Variants in ADAMTS2 observed in about 807,000 individuals in gnomAD.
ADAMTS2 encodes the protein ADAM metallopeptidase with thrombospondin type 1 motif 2, also known as A disintegrin and metalloproteinase with thrombospondin motifs 2.
ADAMTS2 carries 50 observed loss-of-function variants against 123.0 expected under a neutral mutation model. That is an observed-to-expected ratio of 0.41 (90% CI 0.32 to 0.51). The LOEUF (loss-of-function observed/expected upper bound fraction) is 0.51. Among genes scored for constraint, ADAMTS2 ranks in the 20% least tolerant of loss-of-function variants. ADAMTS2 has a pLI of 0.35. For synonymous variants in ADAMTS2, 678 were observed against 695.4 expected, an observed-to-expected ratio of 0.98 and a Z score of 0.39; for missense variants, 1,494 against 1,705.2, an observed-to-expected ratio of 0.88 and a Z score of 2.18.
At position 179,234,229 on chromosome 5, in the gene ADAMTS2, A is replaced by G. The variant is rs969397003; in HGVS notation, c.689-26514T>C. 1.3e-5 allele frequency among the ~76,000 whole-genome samples: 2 copies of G among 152,058 alleles called. No individual in the cohort carries two copies. Among genetic ancestry groups the G allele is most frequent in the African/African-American group, 4.8e-5 (2 of 41,390 alleles). ...AGATATCACCAGCCCTCGAGGCTTA[A>G]CCCCTGCTCTGTGGGGGATTCCTGC... On this transcript the variant is annotated intron_variant, in intron 3 of 21. Transcript: ENST00000251582. The surrounding 1 kb of genome is among the most constrained non-coding windows in gnomAD (Gnocchi z 4.7).
In ADAMTS2 at chr5:179,329,070, G is replaced by A. The variant is rs1193122933; in HGVS notation, c.534+14697C>T. On this transcript the variant is annotated intron_variant, in intron 2 of 21. Coordinates refer to ENST00000251582, the MANE Select transcript of ADAMTS2 (RefSeq NM_014244.5). ...AGGCCAGGCACAGTGGCTCATGCCT[G>A]CAATCCCAGCACTTTGGGAGGCCAA... Among the ~76,000 whole-genome samples, 5 of 152,210 alleles carry A rather than the reference G, an allele frequency of 3.3e-5. No homozygotes were observed. The East Asian group carries it at 9.6e-4, about 29-fold the overall frequency.
chr5:179,268,668 G>A (rs750458484), intron 3 of ADAMTS2, among the ~76,000 whole-genome samples: 12 of 152,196 alleles, frequency 7.9e-5, no homozygotes, highest in Non-Finnish European at 1.5e-4. Flanking sequence ...GGCTGAGACT[G>A]GCACTTAGAC....
chr5:179,167,373 C>G (rs1561786901), intron 5 of ADAMTS2, among the ~76,000 whole-genome samples: 3 of 152,136 alleles, frequency 2.0e-5, no homozygotes, highest in Admixed American at 1.3e-4. Context: ...GGGGCCCCAG[C>G]GGCCCCAAGA....
intron 4 of ADAMTS2, among the ~76,000 whole-genome samples, chr5:179,205,588 AT>A (rs1764662289): frequency 6.6e-6 from 1 of 152,168 alleles, no homozygotes; most frequent in Admixed American, 6.5e-5. Flanking sequence ...AGGCGACATA[AT>A]GCTAGGGGAA....
rs191889505 is a variant in ADAMTS2 at position 179,307,243 on chromosome 5, G to A, written c.535-34179C>T. ...CTCCGCCATCTGCCCCAGCAGTGCTGTGAGAGCATCGCACCCTGCAAGCCT... is the reference window on the plus strand; with the variant it reads ...CTCCGCCATCTGCCCCAGCAGTGCTATGAGAGCATCGCACCCTGCAAGCCT... On this transcript the variant is annotated intron_variant, in intron 2 of 21. Coordinates refer to ENST00000251582, the MANE Select transcript of ADAMTS2 (RefSeq NM_014244.5). The surrounding 1 kb of genome is among the most constrained non-coding windows in gnomAD (Gnocchi z 5.6). Among the ~76,000 whole-genome samples, 21 of 152,292 alleles carry A rather than the reference G, an allele frequency of 1.4e-4. No individual in the cohort carries two copies. In the East Asian group the frequency reaches 4.1e-3, roughly 30 times the overall value.
At chr5:179,179,416 T>C (rs1200448351) in intron 5 of ADAMTS2, among the ~76,000 whole-genome samples, 2 of 152,212 alleles carry the variant, frequency 1.3e-5, no homozygotes, top group African/African-American at 4.8e-5. Context: ...AAAACACTTC[T>C]GTAATTTTTA....
intron 9 of ADAMTS2, 119 bp from the exon 10 acceptor site, chr5:179,152,374 C>A (rs1763378113): frequency 1.1e-6 from 1 of 945,886 alleles, no homozygotes; most frequent in East Asian, 2.6e-5. Flanking sequence ...CATGATGGGC[C>A]CGTGAGGCTG....
Position 179,181,529 on chromosome 5 carries a change from G to A in ADAMTS2, c.892-374C>T, listed in dbSNP as rs540115777. On this transcript the variant is annotated intron_variant, in intron 4 of 21. Coordinates refer to ENST00000251582, the MANE Select transcript of ADAMTS2 (RefSeq NM_014244.5). The surrounding 1 kb of genome is among the most constrained non-coding windows in gnomAD (Gnocchi z 4.1). ...GTGGGTGATGGACCCCCGCGGCACA[G>A]GCAGGGCTGGGACCGGCCCTGGCAG... 5.1e-4 allele frequency among the ~76,000 whole-genome samples: 78 copies of A among 152,300 alleles called. No homozygotes were observed. Among genetic ancestry groups the A allele is most frequent in the Non-Finnish European group, 7.8e-4 (53 of 68,018 alleles).
chr5:179,200,244 C>CTTTTTTTTTTTTTTT (rs1051856642), intron 4 of ADAMTS2, among the ~76,000 whole-genome samples: 1 of 103,694 alleles, frequency 9.6e-6, no homozygotes, highest in African/African-American at 4.0e-5. Context: ...CCTTTCTTTC[C>CTTTTTTTTTTTTTTT]TTTTTTTTTT....
At chr5:179,337,899 G>A (rs1757662712) in intron 2 of ADAMTS2, among the ~76,000 whole-genome samples, 1 of 145,614 alleles carries the variant, frequency 6.9e-6, no homozygotes, top group South Asian at 2.2e-4. Context: ...CCCAGGTGTG[G>A]CCCCTATGAG....
At chr5:179,296,221 T>C (rs1381258574) in intron 2 of ADAMTS2, among the ~76,000 whole-genome samples, 5 of 151,874 alleles carry the variant, frequency 3.3e-5, no homozygotes, top group Non-Finnish European at 7.4e-5. Flanking sequence ...CAGAGAGCCA[T>C]GGAGGAGGTG....
At chr5:179,247,398 C>T (rs1311124455) in intron 3 of ADAMTS2, among the ~76,000 whole-genome samples, 1 of 144,914 alleles carries the variant, frequency 6.9e-6, no homozygotes, top group Non-Finnish European at 1.6e-5. Flanking sequence ...TCAAGTACAC[C>T]AAAATACAAA....
intron 3 of ADAMTS2, among the ~76,000 whole-genome samples, chr5:179,211,963 T>A (rs1391186414): frequency 3.3e-5 from 5 of 152,218 alleles, no homozygotes; most frequent in Non-Finnish European, 7.3e-5. Context: ...GAAAATTACA[T>A]GACTCGGACA....
chr5:179,210,356 G>A (rs1307718733), intron 3 of ADAMTS2, among the ~76,000 whole-genome samples: 1 of 152,246 alleles, frequency 6.6e-6, no homozygotes, highest in Non-Finnish European at 1.5e-5. Flanking sequence ...GGCTGCTTCT[G>A]CCGAGCAGGC....
chr5:179,248,694 A>G lies in ADAMTS2; in HGVS notation c.688+24217T>C, dbSNP rs138664990. On this transcript the variant is annotated intron_variant, in intron 3 of 21. Coordinates refer to ENST00000251582, the MANE Select transcript of ADAMTS2 (RefSeq NM_014244.5). ...GTCAATCCACCAAGAAGATATAACA[A>G]TTATAAACATAAACACACCTAACAA... 5.7e-3 allele frequency among the ~76,000 whole-genome samples: 868 copies of G among 152,274 alleles called. 11 individuals are homozygous for G. Among genetic ancestry groups the G allele is most frequent in the African/African-American group, 0.02 (830 of 41,576 alleles).
intron 3 of ADAMTS2, among the ~76,000 whole-genome samples, chr5:179,211,888 G>A (rs1339960426): frequency 1.3e-5 from 2 of 152,186 alleles, no homozygotes; most frequent in African/African-American, 2.4e-5. Context: ...CCTCGCCAAG[G>A]TGGAGGCGTG....
At chr5:179,153,446 C>T (rs2303636) in intron 9 of ADAMTS2, 45 bp downstream of exon 9, 13 of 1,579,316 alleles carry the variant, frequency 8.2e-6, no homozygotes, top group Non-Finnish European at 1.0e-5. Flanking sequence ...CAGCACGCCT[C>T]CCCCCAGACC....
chr5:179,337,189 G>C (rs561405207), intron 2 of ADAMTS2, among the ~76,000 whole-genome samples: 1 of 152,258 alleles, frequency 6.6e-6, no homozygotes, highest in East Asian at 1.9e-4. Context: ...GTAACCACCA[G>C]TAGGGGATGG....
Position 179,132,358 on chromosome 5 carries a change from G to A in ADAMTS2, c.2210-48C>T, listed in dbSNP as rs372900080. 2.8e-4 allele frequency: 434 copies of A among 1,559,882 alleles called. 2 individuals are homozygous for A. Among genetic ancestry groups the A allele is most frequent in the Admixed American group, 1.0e-3 (62 of 59,252 alleles). Reference sequence around the variant, plus strand: ...CAGAAAACTGAGAAGGGAAGGCGCCGCTCAAATTCGCACCATGCAAGGAGG... The same window carrying A: ...CAGAAAACTGAGAAGGGAAGGCGCCACTCAAATTCGCACCATGCAAGGAGG... On this transcript the variant is annotated intron_variant, in intron 14 of 21. Transcript: ENST00000251582. The surrounding 1 kb of genome is among the most constrained non-coding windows in gnomAD (Gnocchi z 6.1).
Sources: allele counts gnomAD v4.1 joint callset (sites outside exome capture counted in the v4.1 genomes callset), GRCh38; gene constraint gnomAD v4.1.1; non-coding constraint Gnocchi (gnomAD v3.1); transcripts MANE v1.5; gene names NCBI Gene and HGNC (gene_info 2026-07-23, HGNC 2026-07-21).